The following C3orf20 variants were observed in gnomAD, a reference collection of about 807,000 sequenced individuals.
C3orf20 encodes family with sequence similarity 149 member C, also known as uncharacterized protein C3orf20.
A neutral mutation model predicts 88.3 loss-of-function variants in C3orf20; 76 were observed. The ratio of observed to expected loss-of-function variants is 0.86; its 90% confidence interval spans 0.72 to 1.04. The LOEUF is 1.04. Ranked by LOEUF, C3orf20 falls within the 50% of genes least tolerant of loss-of-function variation. The probability of loss-of-function intolerance (pLI) is 0.00; values close to 1 mark genes in which losing one functional copy is unlikely to be tolerated. For missense variants in C3orf20, 1,056 were observed against 1,123.3 expected (o/e 0.94, Z 0.86); for synonymous variants, 436 against 437.4 (o/e 1.00, Z 0.04).
intron 1 of C3orf20, among the ~76,000 whole-genome samples, chr3:14,678,450 T>G (rs1296666944): frequency 6.6e-6 from 1 of 152,226 alleles, no homozygotes; most frequent in Non-Finnish European, 1.5e-5. Flanking sequence ...TCTGACTTAC[T>G]GTAGCCTTCT....
intron 13 of C3orf20, among the ~76,000 whole-genome samples, chr3:14,759,335 G>A (rs1022434985): frequency 6.6e-6 from 1 of 152,140 alleles, no homozygotes; most frequent in Admixed American, 6.5e-5. Context: ...ATAGATCTGA[G>A]GCATCCAGAA....
chr3:14,752,268 T>C (rs1368527467), intron 12 of C3orf20, among the ~76,000 whole-genome samples: 1 of 152,212 alleles, frequency 6.6e-6, no homozygotes, highest in African/African-American at 2.4e-5. Flanking sequence ...CTGGGAAAAC[T>C]GGCTAGCCAT....
chr3:14,717,438 ATCT>A (rs2033983534), intron 9 of C3orf20, among the ~76,000 whole-genome samples: 1 of 152,044 alleles, frequency 6.6e-6, no homozygotes, highest in African/African-American at 2.4e-5. Context: ...GGAGGCAAAA[ATCT>A]TCTGGGTAGT....
At chr3:14,684,138 G>T (rs962738614) in intron 3 of C3orf20, 104 bp from the exon 4 acceptor site, 1 of 1,476,388 alleles carries the variant, frequency 6.8e-7, no homozygotes, top group Middle Eastern at 2.2e-4. Context: ...TAGGAATAGC[G>T]CTCTACTCTA....
intron 4 of C3orf20, among the ~76,000 whole-genome samples, chr3:14,686,621 A>G (rs1353061867): frequency 2.6e-5 from 4 of 152,098 alleles, no homozygotes; most frequent in Non-Finnish European, 5.9e-5. Flanking sequence ...CCTATTGGCC[A>G]TTTGTGTCTC....
chr3:14,706,264 G>A (rs950269852), intron 7 of C3orf20, among the ~76,000 whole-genome samples: 12 of 152,068 alleles, frequency 7.9e-5, no homozygotes, highest in Non-Finnish European at 1.2e-4. Context: ...GGCCCTGCTT[G>A]CAGCGCATCC....
rs2033262234 is a variant in C3orf20, at chr3:14,701,589, C to A, written c.746-1541C>A. 6.6e-6 allele frequency among the ~76,000 whole-genome samples: 1 copy of A among 152,166 alleles called. No individual in the cohort carries two copies. The highest frequency in any genetic ancestry group is 2.4e-5 in the African/African-American group (1 of 41,418). On this transcript the variant is annotated intron_variant, in intron 5 of 16. Transcript: ENST00000253697. This position sits in a 1 kb window ranked among gnomAD's most constrained non-coding sequence, Gnocchi z 4.6. ...ATCACAGGCACAGATCGTTGTCATC[C>A]AGGTCATGCAGATCATTGTCATCCG...
intron 7 of C3orf20, among the ~76,000 whole-genome samples, chr3:14,708,572 G>T (rs1441575791): frequency 2.6e-5 from 4 of 151,834 alleles, no homozygotes; most frequent in Admixed American, 2.0e-4. Context: ...AAGGCAATAA[G>T]ATTTTGATAG....
Position 14,701,159 on chromosome 3 carries a change from G to T in C3orf20, c.746-1971G>T, listed in dbSNP as rs1041488101. On this transcript the variant is annotated intron_variant, in intron 5 of 16. Transcript: ENST00000253697. The surrounding 1 kb of genome is among the most constrained non-coding windows in gnomAD (Gnocchi z 4.6). ...ACCTCAGGCCCTAGGCTTGAGTTCAGGGTTCAGTCTCTGGTCCCTGTTGGC... is the reference window on the plus strand; with the variant it reads ...ACCTCAGGCCCTAGGCTTGAGTTCATGGTTCAGTCTCTGGTCCCTGTTGGC... 6.6e-6 allele frequency among the ~76,000 whole-genome samples: 1 copy of T among 152,200 alleles called. No individual in the cohort carries two copies. Among genetic ancestry groups the T allele is most frequent in the Admixed American group, 6.5e-5 (1 of 15,284 alleles).
At chr3:14,691,343 T>C (rs2032722103) in intron 5 of C3orf20, among the ~76,000 whole-genome samples, 2 of 152,194 alleles carry the variant, frequency 1.3e-5, no homozygotes, top group African/African-American at 2.4e-5. Flanking sequence ...TGTGCCCTCC[T>C]GAGCTGGCCC....
intron 12 of C3orf20, among the ~76,000 whole-genome samples, chr3:14,749,776 C>A (rs2035167243): frequency 1.3e-5 from 2 of 150,970 alleles, no homozygotes; most frequent in South Asian, 4.2e-4. Flanking sequence ...TTTGTGGTTA[C>A]CGTGGTGATT....
intron 4 of C3orf20, 146 bp from the exon 5 acceptor site, chr3:14,689,851 C>G: frequency 4.7e-6 from 5 of 1,059,960 alleles, no homozygotes; most frequent in Non-Finnish European, 6.8e-6. Context: ...AAATCTTCTT[C>G]CAAGATCTAG....
At chr3:14,747,594 A>G (rs923788559) in intron 12 of C3orf20, among the ~76,000 whole-genome samples, 4 of 152,172 alleles carry the variant, frequency 2.6e-5, no homozygotes, top group South Asian at 2.1e-4. Flanking sequence ...CTACAGTCTA[A>G]TAACAGGTAT....
chr3:14,691,428 A>T (rs1170359368), intron 5 of C3orf20, among the ~76,000 whole-genome samples: 1 of 152,146 alleles, frequency 6.6e-6, no homozygotes, highest in Non-Finnish European at 1.5e-5. Flanking sequence ...TGATTTAATG[A>T]CTTTTTCTGC....
intron 12 of C3orf20, among the ~76,000 whole-genome samples, chr3:14,734,299 G>A (rs539679042): frequency 6.6e-6 from 1 of 151,682 alleles, no homozygotes; most frequent in South Asian, 2.1e-4. Context: ...TTAGATAATT[G>A]GGCTTTTTCT....
chr3:14,723,917 C>T (rs1186483761), intron 10 of C3orf20, among the ~76,000 whole-genome samples: 1 of 152,056 alleles, frequency 6.6e-6, no homozygotes, highest in African/African-American at 2.4e-5. Context: ...CCTCCGCCTC[C>T]TAGGTTCAAG....
chr3:14,729,116 TG>T (rs1476582746), intron 12 of C3orf20, among the ~76,000 whole-genome samples: 4 of 152,174 alleles, frequency 2.6e-5, no homozygotes, highest in Non-Finnish European at 4.4e-5. Context: ...GCCACTTCCT[TG>T]TGACAGTGGA....
Position 14,714,173 on chromosome 3 carries a change from G to A in C3orf20, c.1313+14G>A. 6.2e-7 allele frequency: 1 copy of A among 1,612,854 alleles called. No homozygotes were observed. The highest frequency in any genetic ancestry group is 8.5e-7 in the Non-Finnish European group (1 of 1,179,864). On this transcript the variant is annotated intron_variant, in intron 8 of 16. Coordinates refer to ENST00000253697, the MANE Select transcript of C3orf20 (RefSeq NM_032137.5). Reference sequence around the variant, plus strand: ...CCTAAAAACCAGGTAAGTGGACTGGGAGAGTACTAGTCACACGGAAGTACC... The same window carrying A: ...CCTAAAAACCAGGTAAGTGGACTGGAAGAGTACTAGTCACACGGAAGTACC...
intron 1 of C3orf20, among the ~76,000 whole-genome samples, chr3:14,676,106 TC>T (rs1290357118): frequency 7.8e-6 from 1 of 128,516 alleles, no homozygotes; most frequent in South Asian, 2.6e-4. Flanking sequence ...TCCTTCCCCC[TC>T]CCCCCCGCCT....
Sources: allele counts gnomAD v4.1 joint callset (sites outside exome capture counted in the v4.1 genomes callset), GRCh38; gene constraint gnomAD v4.1.1; non-coding constraint Gnocchi (gnomAD v3.1); transcripts MANE v1.5; gene names NCBI Gene and HGNC (gene_info 2026-07-23, HGNC 2026-07-21).